Variants in AGPAT3 observed in about 807,000 individuals in gnomAD.
AGPAT3 encodes 1-acylglycerol-3-phosphate O-acyltransferase 3, also known as 1-acyl-sn-glycerol-3-phosphate acyltransferase gamma.
Under a neutral mutation model 47.3 loss-of-function variants are expected in AGPAT3, and 5 were observed. The observed-to-expected ratio is 0.11, with a 90% CI of 0.06 to 0.22. The LOEUF is 0.22. Among genes scored for constraint, AGPAT3 ranks in the 10% least tolerant of loss-of-function variants. The pLI, the probability that AGPAT3 is intolerant of heterozygous loss-of-function variation, is 1.00. For synonymous variants in AGPAT3, 212 were observed against 208.3 expected (o/e 1.02, Z -0.15); for missense variants, 315 against 493.0 (o/e 0.64, Z 3.42).
At chr21:43,967,812 TA>T in intron 3 of AGPAT3, 133 bp from the exon 4 acceptor site, 1 of 839,272 alleles carries the variant, frequency 1.2e-6, no homozygotes, top group Non-Finnish European at 1.8e-6. Flanking sequence ...GTACTCAGTG[TA>T]AGTCATCAAA....
At chr21:43,972,629 C>T (rs1331304931) in intron 7 of AGPAT3, among the ~76,000 whole-genome samples, 1 of 152,204 alleles carries the variant, frequency 6.6e-6, no homozygotes, top group Non-Finnish European at 1.5e-5. Context: ...ACAGTCAGGG[C>T]TGTGGGTGCC....
At chr21:43,971,815 CCTT>C (rs1456794109) in intron 7 of AGPAT3, among the ~76,000 whole-genome samples, 2 of 152,242 alleles carry the variant, frequency 1.3e-5, no homozygotes, top group East Asian at 1.9e-4. Context: ...TCCATCCTCT[CCTT>C]CTGCCTCCTT....
intron 2 of AGPAT3, among the ~76,000 whole-genome samples, chr21:43,926,086 AC>A (rs1195410648): frequency 6.6e-6 from 1 of 152,130 alleles, no homozygotes; most frequent in Non-Finnish European, 1.5e-5. Flanking sequence ...AGTTAATTCC[AC>A]TTTTCTCTGT....
intron 2 of AGPAT3, among the ~76,000 whole-genome samples, chr21:43,942,277 T>A (rs894055760): frequency 1.3e-5 from 2 of 152,010 alleles, no homozygotes; most frequent in Non-Finnish European, 2.9e-5. Flanking sequence ...CGGTGGGTGC[T>A]AGGCCTGTAA....
intron 1 of AGPAT3, among the ~76,000 whole-genome samples, chr21:43,893,400 C>A (rs1318922170): frequency 6.6e-6 from 1 of 152,204 alleles, no homozygotes; most frequent in Non-Finnish European, 1.5e-5. Flanking sequence ...CTCTCCGGAC[C>A]ACTCGAACTT....
At chr21:43,894,200 TA>T (rs2086163838) in intron 1 of AGPAT3, among the ~76,000 whole-genome samples, 1 of 150,158 alleles carries the variant, frequency 6.7e-6, no homozygotes, top group East Asian at 1.9e-4. Context: ...AGGGGCCAGG[TA>T]TTTCTTTCTT....
Position 43,952,690 on chromosome 21 carries a change from G to A in AGPAT3, c.-48-6944G>A, listed in dbSNP as rs1248148475. Among the ~76,000 whole-genome samples, 2 of 152,040 alleles carry A rather than the reference G, an allele frequency of 1.3e-5. No homozygotes were observed. Among genetic ancestry groups the A allele is most frequent in the African/African-American group, 4.8e-5 (2 of 41,392 alleles). ...AAGACGCGCTGGCACCAAGCTTCTG[G>A]GCGACCTAAACCTGTTGTTTAATGA... On this transcript the variant is annotated intron_variant, in intron 2 of 9. Coordinates refer to ENST00000291572, the MANE Select transcript of AGPAT3 (RefSeq NM_020132.5). This position sits in a 1 kb window ranked among gnomAD's most constrained non-coding sequence, Gnocchi z 5.6.
chr21:43,896,797 C>T (rs2086225841), intron 1 of AGPAT3, among the ~76,000 whole-genome samples: 2 of 152,206 alleles, frequency 1.3e-5, no homozygotes, highest in South Asian at 4.1e-4. Context: ...AATATAGCGG[C>T]ACCAGCTGCC....
rs1414746708 is a variant in AGPAT3 at position 43,970,998 on chromosome 21, A to C, written c.664+192A>C. The stretch of plus-strand genomic sequence containing the variant: ...TGAGGTGATAAAATGCTAATTCATG[A>C]GAAACAATTAAAATAATAAAAAATA... On this transcript the variant is annotated intron_variant, in intron 6 of 9. Transcript: ENST00000291572. This position sits in a 1 kb window ranked among gnomAD's most constrained non-coding sequence, Gnocchi z 5.8. Among the ~76,000 whole-genome samples, 3 of 152,214 alleles carry C rather than the reference A, an allele frequency of 2.0e-5. No homozygotes were observed. The highest frequency in any genetic ancestry group is 2.0e-4 in the Admixed American group (3 of 15,280).
At chr21:43,919,600 A>T (rs1195916980) in intron 2 of AGPAT3, among the ~76,000 whole-genome samples, 1 of 152,214 alleles carries the variant, frequency 6.6e-6, no homozygotes, top group Non-Finnish European at 1.5e-5. Flanking sequence ...TCTTGCTGCA[A>T]ACATGCATAT....
chr21:43,877,219 G>T (rs1308717860), intron 1 of AGPAT3, among the ~76,000 whole-genome samples: 1 of 152,084 alleles, frequency 6.6e-6, no homozygotes, highest in Non-Finnish European at 1.5e-5. Context: ...TTAACCTTTT[G>T]TCGACTTCCC....
At chr21:43,953,317 G>A (rs144009167) in intron 2 of AGPAT3, among the ~76,000 whole-genome samples, 2 of 152,344 alleles carry the variant, frequency 1.3e-5, no homozygotes, top group African/African-American at 2.4e-5. Flanking sequence ...GGGACGGGAT[G>A]TTCGGCAGTA....
chr21:43,976,699 A>C (rs752045240), intron 7 of AGPAT3, among the ~76,000 whole-genome samples: 1 of 152,270 alleles, frequency 6.6e-6, no homozygotes, highest in Non-Finnish European at 1.5e-5. Context: ...TATATAAATT[A>C]ATAGCCTGAA....
intron 2 of AGPAT3, among the ~76,000 whole-genome samples, chr21:43,918,462 CAG>C (rs1312955972): frequency 6.6e-6 from 1 of 151,740 alleles, no homozygotes; most frequent in Non-Finnish European, 1.5e-5. Flanking sequence ...AAGTGGGGAA[CAG>C]GGGGAAATGG....
At chr21:43,927,270 T>G (rs1407591402) in intron 2 of AGPAT3, among the ~76,000 whole-genome samples, 2 of 152,094 alleles carry the variant, frequency 1.3e-5, no homozygotes, top group Non-Finnish European at 2.9e-5. Flanking sequence ...TTAATTTTTG[T>G]GGGTACATAG....
Position 43,970,698 on chromosome 21 carries a change from C to G in AGPAT3, c.556C>G (p.Arg186Gly). The change falls in exon 6 of 10, where the codon CGC becomes GGC. Residue 186 changes from arginine (R) to glycine (G), a missense_variant. Coordinates refer to ENST00000291572, the MANE Select transcript of AGPAT3 (RefSeq NM_020132.5). The surrounding 1 kb of genome is among the most constrained non-coding windows in gnomAD (Gnocchi z 5.8). ...EGTRFTETKH[R>G]VSMEVAAAKG... ...GACGCGCTTCACGGAGACCAAGCAC[C>G]GCGTTAGCATGGAGGTGGCGGCTGC... The G allele has an allele frequency of 6.2e-7, 1 of 1,613,916 alleles. No individual in the cohort carries two copies.
chr21:43,903,291 C>T (rs1009841835), intron 1 of AGPAT3, among the ~76,000 whole-genome samples: 3 of 152,082 alleles, frequency 2.0e-5, no homozygotes, highest in Admixed American at 6.6e-5. Context: ...GACAGTGTTT[C>T]TGCTTGGGAA....
chr21:43,919,646 G>T (rs568390844), intron 2 of AGPAT3: 5 of 152,332 alleles, frequency 3.3e-5, no homozygotes, highest in African/African-American at 1.2e-4. Context: ...TCCTCTGGTA[G>T]ATACCCAGGA....
At chr21:43,875,701 G>T (rs1368358140) in intron 1 of AGPAT3, among the ~76,000 whole-genome samples, 1 of 152,192 alleles carries the variant, frequency 6.6e-6, no homozygotes, top group Non-Finnish European at 1.5e-5. Context: ...TCCGCCTCTT[G>T]GGTTCAAGTG....
Sources: gnomAD v4.1 joint callset for allele counts (sites outside exome capture counted in the v4.1 genomes callset) on GRCh38, gnomAD v4.1.1 for gene constraint, Gnocchi (gnomAD v3.1) non-coding constraint, MANE v1.5 for transcripts, NCBI Gene and HGNC (gene_info 2026-07-23, HGNC 2026-07-21) for gene names.